The following MALSU1 variants were observed in gnomAD, a reference collection of about 807,000 sequenced individuals.
MALSU1 encodes the protein mitochondrial assembly of ribosomal large subunit 1.
Under a neutral mutation model 22.1 loss-of-function variants are expected in MALSU1, and 22 were observed. The ratio of observed to expected loss-of-function variants is 1.00; its 90% CI spans 0.71 to 1.42. The LOEUF is 1.42. MALSU1 is among the 40% of genes most tolerant of loss of function. The pLI is 0.00. For missense variants in MALSU1, 379 were observed against 308.3 expected, an observed-to-expected ratio of 1.23 and a Z score of -1.72; for synonymous variants, 153 against 118.5, an observed-to-expected ratio of 1.29 and a Z score of -1.89.
chr7:23,306,757 C>T (rs1253108798), intron 2 of MALSU1, among the ~76,000 whole-genome samples: 1 of 152,162 alleles, frequency 6.6e-6, no homozygotes, highest in African/African-American at 2.4e-5. Context: ...ATATGTTGAA[C>T]CACCTTGCAT....
chr7:23,301,861 C>T (rs1445965891), intron 2 of MALSU1, among the ~76,000 whole-genome samples: 7 of 151,378 alleles, frequency 4.6e-5, no homozygotes, highest in Non-Finnish European at 8.8e-5. Context: ...TCCAGCTACT[C>T]GGGAGGCTGA....
rs556188887 is a variant in MALSU1, at chr7:23,311,586, CTG to C, written c.*2047_*2048del. ...TTTGAACATTTGATTTAACTAATAACTGTGTCAAAAGCCTCAAAAAACCCTGA... is the reference window on the plus strand; with the variant it reads ...TTTGAACATTTGATTTAACTAATAACTGTCAAAAGCCTCAAAAAACCCTGA... On this transcript the variant is annotated 3_prime_UTR_variant, in exon 4 of 4. Coordinates refer to ENST00000466681, the MANE Select transcript of MALSU1 (RefSeq NM_138446.2). 1.7e-4 allele frequency: 26 copies of C among 152,430 alleles called. No homozygotes were observed. Among genetic ancestry groups the C allele is most frequent in the South Asian group, 4.1e-4 (2 of 4,832 alleles). The allele number at this position is 152,430 out of a possible 1,614,324, so 9.4% of individuals were successfully genotyped here. A position where few individuals can be genotyped will look rare whatever the true frequency, so the allele number is the denominator to read the frequency against.
intron 3 of MALSU1, among the ~76,000 whole-genome samples, chr7:23,309,043 A>T (rs1419805302): frequency 3.3e-5 from 5 of 152,236 alleles, no homozygotes; most frequent in Non-Finnish European, 5.9e-5. Context: ...GTTTTTGCAC[A>T]AAAGATGTGC....
At chr7:23,305,424 CT>C in intron 2 of MALSU1, among the ~76,000 whole-genome samples, 1 of 147,902 alleles carries the variant, frequency 6.8e-6, no homozygotes, top group Non-Finnish European at 1.5e-5. Context: ...TGGAGTTTCG[CT>C]TTTGTTGCCC....
At chr7:23,304,895 C>CTT (rs145094963) in intron 2 of MALSU1, among the ~76,000 whole-genome samples, 25,913 of 152,080 alleles carry the variant, frequency 0.17, 5,501 homozygotes, top group African/African-American at 0.5. Flanking sequence ...CCTTTTTACT[C>CTT]TTTAGAGTGT....
At chr7:23,299,635 G>C (rs1386089782) in intron 1 of MALSU1, 27 bp downstream of exon 1, 2 of 1,547,256 alleles carry the variant, frequency 1.3e-6, no homozygotes, top group Admixed American at 2.0e-5. Flanking sequence ...GAACGAAGGC[G>C]ACCCTCTCCG....
chr7:23,308,560 A>C (rs1783755581), intron 3 of MALSU1, among the ~76,000 whole-genome samples: 1 of 152,136 alleles, frequency 6.6e-6, no homozygotes, highest in Non-Finnish European at 1.5e-5. Context: ...AGACAAGACT[A>C]TTAGAGGGTT....
At chr7:23,305,105 G>A (rs993670852) in intron 2 of MALSU1, among the ~76,000 whole-genome samples, 6 of 152,156 alleles carry the variant, frequency 3.9e-5, no homozygotes, top group African/African-American at 1.4e-4. Context: ...TAGGCGGTTA[G>A]TTTTCCATGT....
chr7:23,299,384 T>C lies in MALSU1; in HGVS notation c.32T>C (p.Leu11Pro), dbSNP rs1475622546. ...CCGGGCGGCCGTGTGGCGCGGCTGC[T>C]CGCCCCACTAATGTGGCGCAGGGCG... MGPGGRVARLLAPLMWRRAVS... is the reference protein window; with the variant it reads MGPGGRVARLPAPLMWRRAVS... Residue 11 changes from leucine (L) to proline (P), a missense_variant, in exon 1 of 4, where the codon CTC (leucine) becomes CCC (proline). By Grantham distance (98) the Leu-to-Pro change is moderately conservative. Coordinates refer to ENST00000466681, the MANE Select transcript of MALSU1 (RefSeq NM_138446.2). 3.1e-6 allele frequency: 5 copies of C among 1,589,070 alleles called. No individual in the cohort carries two copies. The highest frequency in any genetic ancestry group is 2.2e-5 in the East Asian group (1 of 44,556).
intron 3 of MALSU1, 74 bp downstream of exon 3, chr7:23,308,023 G>T: frequency 1.8e-6 from 2 of 1,100,504 alleles, no homozygotes; most frequent in East Asian, 2.4e-5. Flanking sequence ...AGTTGCAAAA[G>T]GATTGAGATC....
intron 2 of MALSU1, among the ~76,000 whole-genome samples, chr7:23,302,798 C>CA (rs1215475728): frequency 3.3e-5 from 5 of 151,982 alleles, no homozygotes; most frequent in Admixed American, 3.3e-4. Flanking sequence ...TTTTTGGAGA[C>CA]AAGAGTCTCG....
At chr7:23,308,381 G>C (rs1276482225) in intron 3 of MALSU1, among the ~76,000 whole-genome samples, 3 of 152,142 alleles carry the variant, frequency 2.0e-5, no homozygotes, top group Admixed American at 6.5e-5. Flanking sequence ...ATTTTGAAAA[G>C]ATCTAACAAC....
At chr7:23,308,343 C>CA (rs1448180899) in intron 3 of MALSU1, among the ~76,000 whole-genome samples, 1 of 151,736 alleles carries the variant, frequency 6.6e-6, no homozygotes, top group Non-Finnish European at 1.5e-5. Context: ...ATTCCAGGCA[C>CA]AAAAAAGGAC....
At chr7:23,306,151 G>A (rs761710498) in intron 2 of MALSU1, among the ~76,000 whole-genome samples, 5 of 151,954 alleles carry the variant, frequency 3.3e-5, no homozygotes, top group South Asian at 2.1e-4. Flanking sequence ...CCGCGATTGC[G>A]CCATTATAGT....
rs1783795650 is a variant in MALSU1 at position 23,310,383 on chromosome 7, TA to T, written c.*844del. On this transcript the variant is annotated 3_prime_UTR_variant, in exon 4 of 4. Coordinates refer to ENST00000466681, the MANE Select transcript of MALSU1 (RefSeq NM_138446.2). ...CAAATTACAAATGCTTAAGTAAAAGTAAAATATGATTTGCCATACTAAAAGG... is the reference window on the plus strand; with the variant it reads ...CAAATTACAAATGCTTAAGTAAAAGTAAATATGATTTGCCATACTAAAAGG... The T allele has an allele frequency of 6.6e-6, 1 of 152,112 alleles. No homozygotes were observed. Among genetic ancestry groups the T allele is most frequent in the African/African-American group, 2.4e-5 (1 of 41,446 alleles). The allele number at this position is 152,112 out of a possible 1,614,324, so 9.4% of individuals were successfully genotyped here. A position where few individuals can be genotyped will look rare whatever the true frequency, so the allele number is the denominator to read the frequency against.
rs1157014006 is a variant in MALSU1 at position 23,307,787 on chromosome 7, C to CCA, written c.436-81_436-80insCA. On this transcript the variant is annotated intron_variant, in intron 2 of 3. Coordinates refer to ENST00000466681, the MANE Select transcript of MALSU1 (RefSeq NM_138446.2). Reference sequence around the variant, plus strand: ...AGAAAGATTAAAAAAAACAAACAAACAAACAAAAAAAAAAGACCTTCAGCA... The same window carrying CCA: ...AGAAAGATTAAAAAAAACAAACAAACCAAAACAAAAAAAAAAGACCTTCAGCA... 142 of 848,396 alleles carry CCA rather than the reference C, an allele frequency of 1.7e-4. 1 individual carries two copies. The highest frequency in any genetic ancestry group is 1.3e-3 in the African/African-American group (56 of 44,770). 52.6% of individuals were successfully genotyped at this position (848,396 alleles called of 1,614,324 possible). A position where few individuals can be genotyped will look rare whatever the true frequency, so the allele number is the denominator to read the frequency against.
chr7:23,301,627 T>G (rs951618989), intron 2 of MALSU1, among the ~76,000 whole-genome samples: 1 of 152,228 alleles, frequency 6.6e-6, no homozygotes, highest in Non-Finnish European at 1.5e-5. Context: ...CTAGAGGCAC[T>G]ATCCATTACG....
At chr7:23,301,598 A>G (rs917557829) in intron 2 of MALSU1, among the ~76,000 whole-genome samples, 1 of 152,240 alleles carries the variant, frequency 6.6e-6, no homozygotes, top group Non-Finnish European at 1.5e-5. Flanking sequence ...GCTAGAAGAC[A>G]GTATAACCAG....
Position 23,309,590 on chromosome 7 carries a change from C to CTT in MALSU1, c.*48_*49dup, listed in dbSNP as rs762831563. On this transcript the variant is annotated 3_prime_UTR_variant, in exon 4 of 4. Transcript: ENST00000466681. ...GTCATTTCAGATTTGGATTGAGTCA[C>CTT]TTATTGGAAAATACAGCTCCTAAAG... is the stretch of plus-strand genomic sequence containing the variant. The CTT allele has an allele frequency of 6.8e-6, 10 of 1,466,374 alleles. No individual in the cohort carries two copies. In the Admixed American group the frequency reaches 1.0e-4, roughly 15 times the overall value. The allele number at this position is 1,466,374 out of a possible 1,614,324, so 90.8% of individuals were successfully genotyped here.
Sources: allele counts gnomAD v4.1 joint callset (sites outside exome capture counted in the v4.1 genomes callset), GRCh38; gene constraint gnomAD v4.1.1; transcripts MANE v1.5; gene names NCBI Gene and HGNC (gene_info 2026-07-23, HGNC 2026-07-21).